FSD2: variants seen among roughly 807,000 people sequenced by gnomAD.
FSD2 encodes the protein fibronectin type III and SPRY domain-containing protein 2.
In FSD2, 71 loss-of-function variants were observed where a neutral mutation model predicts 80.4. The ratio of observed to expected loss-of-function variants is 0.88; its 90% CI spans 0.73 to 1.08. The LOEUF (loss-of-function observed/expected upper bound fraction) is 1.08, where lower values mean the gene tolerates loss of function less well. Among genes scored for constraint, FSD2 ranks in the 50% least tolerant of loss-of-function variants. The pLI, the probability that FSD2 is intolerant of heterozygous loss-of-function variation, is 0.00. For synonymous variants in FSD2, 361 were observed against 329.5 expected, an observed-to-expected ratio of 1.10 and a Z score of -1.03; for missense variants, 923 against 913.8, an observed-to-expected ratio of 1.01 and a Z score of -0.13.
At chr15:82,773,377 G>A (rs546405250) in intron 6 of FSD2, among the ~76,000 whole-genome samples, 9 of 152,330 alleles carry the variant, frequency 5.9e-5, no homozygotes, top group African/African-American at 2.2e-4. Flanking sequence ...AGTCCAGGGT[G>A]CACAACAGAT....
chr15:82,760,732 CGT>C (rs2049274571), intron 12 of FSD2, among the ~76,000 whole-genome samples: 1 of 79,434 alleles, frequency 1.3e-5, no homozygotes, highest in South Asian at 3.1e-4. Context: ...CACGTGTGTG[CGT>C]GCACGCACAC....
chr15:82,788,738 G>C (rs897956304), intron 1 of FSD2, among the ~76,000 whole-genome samples: 1 of 152,018 alleles, frequency 6.6e-6, no homozygotes, highest in African/African-American at 2.4e-5. Context: ...TTTCAGCAGG[G>C]TGTGGTGACT....
chr15:82,778,707 G>A (rs2151508073), intron 6 of FSD2, 59 bp downstream of exon 6: 1 of 1,522,984 alleles, frequency 6.6e-7, no homozygotes, highest in African/African-American at 1.4e-5. Flanking sequence ...CTCATCACAA[G>A]AAAGAAAAAA....
Position 82,762,141 on chromosome 15 carries a change from C to T in FSD2, c.1958G>A (p.Cys653Tyr), listed in dbSNP as rs1428367124. 1 of 1,610,308 alleles carries T rather than the reference C, an allele frequency of 6.2e-7. No individual in the cohort carries two copies. The highest frequency in any genetic ancestry group is 2.2e-5 in the East Asian group (1 of 44,778). ...VRKQEDLGAN[C>Y]LSWCMRHTFA... ...TGTGTGCCTCATGCACCAGGAGAGG[C>T]AATTTGCTCCCAGATCCTCCTGTTT... Residue 653 changes from cysteine to tyrosine, a missense_variant, in exon 12 of 13, where the codon TGC (cysteine) becomes TAC (tyrosine). By Grantham distance (194) the Cys-to-Tyr change is radical. Coordinates refer to ENST00000334574, the MANE Select transcript of FSD2 (RefSeq NM_001007122.4).
At chr15:82,793,121 G>A (rs36111056) in intron 1 of FSD2, among the ~76,000 whole-genome samples, 25,789 of 151,864 alleles carry the variant, frequency 0.17, 2,494 homozygotes, top group Middle Eastern at 0.23. Context: ...TTTGAGACAG[G>A]GTCTCACTCT....
At chr15:82,769,522 C>CAG (rs2049509173) in intron 8 of FSD2, among the ~76,000 whole-genome samples, 1 of 151,200 alleles carries the variant, frequency 6.6e-6, no homozygotes, top group Non-Finnish European at 1.5e-5. Context: ...TTGCAGTGAG[C>CAG]AGAGATCTTG....
chr15:82,800,977 A>C (rs1401203950), intron 1 of FSD2, among the ~76,000 whole-genome samples: 5 of 152,182 alleles, frequency 3.3e-5, no homozygotes, highest in African/African-American at 1.2e-4. Context: ...CTGTGCAAGC[A>C]CTAGAAAAAC....
intron 1 of FSD2, among the ~76,000 whole-genome samples, chr15:82,796,635 G>T (rs2050278440): frequency 6.6e-6 from 1 of 152,158 alleles, no homozygotes; most frequent in African/African-American, 2.4e-5. Context: ...CACAATAGAT[G>T]ACTAGTTCAT....
intron 1 of FSD2, among the ~76,000 whole-genome samples, chr15:82,795,479 T>C (rs2050242564): frequency 1.3e-5 from 2 of 152,134 alleles, no homozygotes; most frequent in Admixed American, 1.3e-4. Context: ...CATCTACAAG[T>C]CTATCAGAAC....
intron 10 of FSD2, 73 bp from the exon 11 acceptor site, chr15:82,765,371 T>C (rs968775848): frequency 1.3e-6 from 2 of 1,597,942 alleles, no homozygotes; most frequent in African/African-American, 2.7e-5. Flanking sequence ...TGGTCACCGG[T>C]TTAGCTTCGT....
chr15:82,771,896 A>G (rs1010293291), intron 7 of FSD2, among the ~76,000 whole-genome samples, 177 bp downstream of exon 7: 1 of 152,192 alleles, frequency 6.6e-6, no homozygotes, highest in African/African-American at 2.4e-5. Context: ...CTTCCCAGTC[A>G]GGCCCCAGCG....
chr15:82,780,152 T>G, intron 5 of FSD2, 93 bp downstream of exon 5: 6 of 873,308 alleles, frequency 6.9e-6, no homozygotes, highest in Non-Finnish European at 1.1e-5. Flanking sequence ...AAGCTGAAAC[T>G]GGAACCGTAT....
intron 1 of FSD2, among the ~76,000 whole-genome samples, chr15:82,790,544 T>TTG (rs57545404): frequency 0.16 from 24,381 of 148,666 alleles, 2,081 homozygotes; most frequent in South Asian, 0.34. Flanking sequence ...GAGCTGCCAT[T>TTG]TGTGTGTGTG....
At chr15:82,778,745 A>G in intron 6 of FSD2, 21 bp downstream of exon 6, 2 of 1,593,152 alleles carry the variant, frequency 1.3e-6, no homozygotes, top group Non-Finnish European at 1.7e-6. Context: ...CCTGCCGCGA[A>G]GTACACACAC....
chr15:82,766,775 T>C (rs1221996688), intron 9 of FSD2, among the ~76,000 whole-genome samples: 1 of 151,610 alleles, frequency 6.6e-6, no homozygotes, highest in Non-Finnish European at 1.5e-5. Flanking sequence ...TTTATGTTTA[T>C]GAGCAAACAA....
chr15:82,786,541 A>T lies in FSD2; in HGVS notation c.705T>A (p.Asn235Lys), dbSNP rs774220023. The T allele has an allele frequency of 5.6e-6, 9 of 1,613,428 alleles. No homozygotes were observed. In the South Asian group the frequency reaches 9.9e-5, roughly 18 times the overall value. ...CAGTGATGAAAACCTCCTCCAAATGATTTGCAAAGTTTTCCATCTCAATTA... is the reference window on the plus strand; with the variant it reads ...CAGTGATGAAAACCTCCTCCAAATGTTTTGCAAAGTTTTCCATCTCAATTA... ...KQIIEMENFA[N>K]HLEEVFITVE... The change falls in exon 3 of 13, where the codon AAT becomes AAA. Residue 235 changes from asparagine to lysine, a missense_variant. By Grantham distance (94) the Asn-to-Lys change is moderately conservative. Transcript: ENST00000334574.
At chr15:82,791,917 T>C (rs2050161348) in intron 1 of FSD2, among the ~76,000 whole-genome samples, 1 of 152,256 alleles carries the variant, frequency 6.6e-6, no homozygotes, top group African/African-American at 2.4e-5. Flanking sequence ...CAGTATTTCA[T>C]TCCCTTTTTA....
At position 82,769,757 on chromosome 15, in the gene FSD2, G is replaced by T. The variant is rs377139418; in HGVS notation, c.1395C>A (p.Tyr465Ter). Residue 465 changes from tyrosine to a stop codon, truncating the protein, a stop_gained, in exon 8 of 13, where the codon TAC (tyrosine) becomes TAA (stop). Coordinates refer to ENST00000334574, the MANE Select transcript of FSD2 (RefSeq NM_001007122.4). LOFTEE classifies it high-confidence loss of function. ...AAATGAGTAGCCCATTACCTGTCAT[G>T]TACACTGCACGCTCGCTAGAGGGGC... ...GPSPSSERAV[Y>*]MTAPSPPIIK... 1 of 1,613,502 alleles carries T rather than the reference G, an allele frequency of 6.2e-7. No individual in the cohort carries two copies. The highest frequency in any genetic ancestry group is 8.5e-7 in the Non-Finnish European group (1 of 1,179,636).
intron 4 of FSD2, among the ~76,000 whole-genome samples, chr15:82,781,716 A>G (rs1031515321): frequency 6.6e-6 from 1 of 152,136 alleles, no homozygotes; most frequent in Admixed American, 6.5e-5. Context: ...AGCCTTGACA[A>G]CTTTCTCCCC....
Sources: allele counts gnomAD v4.1 joint callset (sites outside exome capture counted in the v4.1 genomes callset), GRCh38; gene constraint gnomAD v4.1.1; transcripts MANE v1.5; gene names NCBI Gene and HGNC (gene_info 2026-07-23, HGNC 2026-07-21).